Variants in CSNK2A2IP observed in about 807,000 individuals in gnomAD.
The protein encoded by CSNK2A2IP is casein kinase 2 subunit alpha' interacting protein.
chr3:88,408,735 C>G, the CSNK2A2IP span, among the ~76,000 whole-genome samples: 3 of 151,980 alleles, frequency 2.0e-5, no homozygotes, highest in African/African-American at 7.3e-5. Flanking sequence ...TGCTTCTATG[C>G]CATACTGAAA....
the CSNK2A2IP span, among the ~76,000 whole-genome samples, chr3:88,389,293 G>C: frequency 6.6e-6 from 1 of 152,014 alleles, no homozygotes. Context: ...GGCTTGATGA[G>C]GTATTACAAT....
the CSNK2A2IP span, among the ~76,000 whole-genome samples, chr3:88,345,878 A>C: frequency 6.6e-6 from 1 of 152,012 alleles, no homozygotes; most frequent in Admixed American, 6.6e-5. Flanking sequence ...AAGTTTAGAG[A>C]GAAAGGTATG....
the CSNK2A2IP span, among the ~76,000 whole-genome samples, chr3:88,414,352 T>TGAG: frequency 3.7e-5 from 5 of 134,906 alleles, no homozygotes; most frequent in Middle Eastern, 3.8e-3. Flanking sequence ...CCTTGACCTC[T>TGAG]GCTCACTGTA....
chr3:88,405,204 T>C, the CSNK2A2IP span, among the ~76,000 whole-genome samples: 1 of 152,200 alleles, frequency 6.6e-6, no homozygotes, highest in Non-Finnish European at 1.5e-5. Context: ...CAGTGGTCTC[T>C]ATACCTATCA....
the CSNK2A2IP span, among the ~76,000 whole-genome samples, chr3:88,392,465 A>G: frequency 0.18 from 27,859 of 152,170 alleles, 2,668 homozygotes; most frequent in Non-Finnish European, 0.19. Context: ...GAAAAGAAAG[A>G]ACAAGCAAAG....
At chr3:88,433,523 T>TTTC in the CSNK2A2IP span, among the ~76,000 whole-genome samples, 4 of 152,192 alleles carry the variant, frequency 2.6e-5, no homozygotes, top group Non-Finnish European at 5.9e-5. Flanking sequence ...TTTTTATAAT[T>TTTC]TAACTCCATA....
the CSNK2A2IP span, among the ~76,000 whole-genome samples, chr3:88,339,293 G>A: frequency 6.6e-6 from 1 of 151,100 alleles, no homozygotes; most frequent in Admixed American, 6.6e-5. Context: ...CCATATTTGT[G>A]TGATAATATC....
the CSNK2A2IP span, among the ~76,000 whole-genome samples, chr3:88,353,453 C>T: frequency 6.6e-6 from 1 of 152,130 alleles, no homozygotes; most frequent in Admixed American, 6.6e-5. Context: ...ATTGCTCGTG[C>T]CTGACTCTTC....
At chr3:88,454,466 TG>T in the CSNK2A2IP span, among the ~76,000 whole-genome samples, 10,719 of 151,990 alleles carry the variant, frequency 0.071, 632 homozygotes, top group East Asian at 0.21. Flanking sequence ...ATTGAGCTTT[TG>T]GTTTCACATC....
the CSNK2A2IP span, among the ~76,000 whole-genome samples, chr3:88,405,664 G>C: frequency 6.6e-6 from 1 of 152,140 alleles, no homozygotes. Flanking sequence ...TTGATAAGTA[G>C]TGCATTTATT....
At chr3:88,395,763 A>C in the CSNK2A2IP span, among the ~76,000 whole-genome samples, 16 of 152,144 alleles carry the variant, frequency 1.1e-4, no homozygotes, top group Admixed American at 2.6e-4. Context: ...CGAATTATTT[A>C]TTTCTTTTTG....
the CSNK2A2IP span, among the ~76,000 whole-genome samples, chr3:88,450,608 A>C: frequency 6.6e-6 from 1 of 152,164 alleles, no homozygotes; most frequent in Admixed American, 6.5e-5. Flanking sequence ...TGTGGTGGCA[A>C]ATAGCAAGAT....
At chr3:88,388,182 T>C in the CSNK2A2IP span, among the ~76,000 whole-genome samples, 1 of 152,222 alleles carries the variant, frequency 6.6e-6, no homozygotes, top group Non-Finnish European at 1.5e-5. Context: ...ACGTCTTTGC[T>C]GATTACTATG....
chr3:88,449,166 C>A, the CSNK2A2IP span, among the ~76,000 whole-genome samples: 1 of 151,952 alleles, frequency 6.6e-6, no homozygotes, highest in Non-Finnish European at 1.5e-5. Context: ...ATTTGGTGAA[C>A]TTATTTTGTT....
At chr3:88,411,039 A>G in the CSNK2A2IP span, among the ~76,000 whole-genome samples, 1 of 151,962 alleles carries the variant, frequency 6.6e-6, no homozygotes, top group African/African-American at 2.4e-5. Context: ...CTTTAAATTA[A>G]GTATGCACTG....
chr3:88,381,633 A>G, the CSNK2A2IP span, among the ~76,000 whole-genome samples: 1 of 152,212 alleles, frequency 6.6e-6, no homozygotes, highest in Non-Finnish European at 1.5e-5. Context: ...TTCAGACTCC[A>G]AGCATGGAGA....
At chr3:88,427,551 G>A in the CSNK2A2IP span, among the ~76,000 whole-genome samples, 3 of 152,130 alleles carry the variant, frequency 2.0e-5, no homozygotes, top group East Asian at 5.8e-4. Context: ...AAATAGTTTC[G>A]TGGGCCATGC....
At chr3:88,367,687 G>A in the CSNK2A2IP span, among the ~76,000 whole-genome samples, 3 of 151,906 alleles carry the variant, frequency 2.0e-5, no homozygotes, top group African/African-American at 4.8e-5. Context: ...CCAACAAAAC[G>A]CACATGGCCC....
At chr3:88,377,220 A>G in the CSNK2A2IP span, among the ~76,000 whole-genome samples, 67 of 151,892 alleles carry the variant, frequency 4.4e-4, 1 homozygote, top group East Asian at 7.9e-3. Context: ...GCATAACCTC[A>G]AAGTCAATAT....
Sources: allele counts gnomAD v4.1 joint callset (sites outside exome capture counted in the v4.1 genomes callset), GRCh38; gene constraint gnomAD v4.1.1; transcripts MANE v1.5; gene names NCBI Gene and HGNC (gene_info 2026-07-23, HGNC 2026-07-21).